The following FOXO1 variants were observed in gnomAD, a reference collection of about 807,000 sequenced individuals.
FOXO1 encodes forkhead box protein O1.
Under a neutral mutation model 44.1 loss-of-function variants are expected in FOXO1, and 6 were observed. That is an observed-to-expected ratio of 0.14 (90% CI 0.07 to 0.27). The LOEUF (loss-of-function observed/expected upper bound fraction) is 0.27. Among genes scored for constraint, FOXO1 ranks in the 10% least tolerant of loss-of-function variants. The pLI is 1.00. For missense variants in FOXO1, 737 were observed against 888.8 expected, an observed-to-expected ratio of 0.83 and a Z score of 2.17; for synonymous variants, 380 against 362.7, an observed-to-expected ratio of 1.05 and a Z score of -0.54.
rs913523719 is a variant in FOXO1, at chr13:40,556,733, A to G, written c.*2316T>C. On this transcript the variant is annotated 3_prime_UTR_variant, in exon 3 of 3. Transcript: ENST00000379561. ...AATTACCCAGACTCAGGAGGAAGAT[A>G]TATTTTCCTAAGAGCTACTCCATGA... 4 of 152,204 alleles carry G rather than the reference A, an allele frequency of 2.6e-5. No individual in the cohort carries two copies. The highest frequency in any genetic ancestry group is 4.8e-5 in the African/African-American group (2 of 41,460). The allele number at this position is 152,204 out of a possible 1,614,324, so 9.4% of individuals were successfully genotyped here. A position where few individuals can be genotyped will look rare whatever the true frequency, so the allele number is the denominator to read the frequency against.
chr13:40,621,296 T>C, intron 1 of FOXO1: 1 of 736,306 alleles, frequency 1.4e-6, no homozygotes, highest in African/African-American at 1.9e-5. Flanking sequence ...AGAATTTCAC[T>C]TGTCCGATCT....
chr13:40,561,787 G>C (rs1874032273), intron 1 of FOXO1, among the ~76,000 whole-genome samples: 1 of 151,930 alleles, frequency 6.6e-6, no homozygotes, highest in South Asian at 2.1e-4. Context: ...TAGCCAACAT[G>C]GTGAAACCCC....
intron 1 of FOXO1, among the ~76,000 whole-genome samples, chr13:40,607,851 A>C (rs1310480542): frequency 6.6e-6 from 1 of 152,254 alleles, no homozygotes; most frequent in Non-Finnish European, 1.5e-5. Context: ...TTCATTTTAC[A>C]GAACAAGGGG....
chr13:40,557,460 G>T lies in FOXO1; in HGVS notation c.*1589C>A, dbSNP rs968022703. On this transcript the variant is annotated 3_prime_UTR_variant, in exon 3 of 3. Coordinates refer to ENST00000379561, the MANE Select transcript of FOXO1 (RefSeq NM_002015.4). ...ACATAATCTCAATGCACAACTTACAGCTGGTTTTCAAATAAATCTCCCCAA... is the reference window on the plus strand; with the variant it reads ...ACATAATCTCAATGCACAACTTACATCTGGTTTTCAAATAAATCTCCCCAA... The T allele has an allele frequency of 6.6e-6, 1 of 152,310 alleles. No homozygotes were observed. The highest frequency in any genetic ancestry group is 2.1e-4 in the South Asian group (1 of 4,824). The allele number at this position is 152,310 out of a possible 1,614,324, so 9.4% of individuals were successfully genotyped here.
At chr13:40,610,753 T>C (rs114324227) in intron 1 of FOXO1, among the ~76,000 whole-genome samples, 128 of 152,330 alleles carry the variant, frequency 8.4e-4, no homozygotes, top group African/African-American at 3.0e-3. Flanking sequence ...ATAAAAACAA[T>C]AGCTCACAAA....
intron 1 of FOXO1, chr13:40,620,283 C>A: frequency 1.7e-6 from 2 of 1,147,016 alleles, no homozygotes; most frequent in Non-Finnish European, 1.3e-6. Flanking sequence ...GTATTGCAAA[C>A]AGAACTCATC....
intron 1 of FOXO1, among the ~76,000 whole-genome samples, chr13:40,583,119 G>A (rs1408101140): frequency 6.6e-6 from 1 of 152,220 alleles, no homozygotes. Context: ...GCTCTTGTGT[G>A]AGGAGGTACA....
intron 1 of FOXO1, among the ~76,000 whole-genome samples, chr13:40,629,145 T>C (rs1244530337): frequency 8.8e-6 from 1 of 114,132 alleles, no homozygotes; most frequent in Non-Finnish European, 1.8e-5. Context: ...ACAACATGAC[T>C]TTTTTTTTTT....
chr13:40,666,241 G>T lies in FOXO1; in HGVS notation c.-29C>A. 7.3e-7 allele frequency: 1 copy of T among 1,374,480 alleles called. No individual in the cohort carries two copies. The highest frequency in any genetic ancestry group is 1.6e-5 in the South Asian group (1 of 62,790). 85.1% of individuals were successfully genotyped at this position (1,374,480 alleles called of 1,614,324 possible). On this transcript the variant is annotated 5_prime_UTR_variant, in exon 1 of 3. It adds an upstream start codon to the 5' untranslated region. Transcript: ENST00000379561. ...GACCCCCGCCCCTCCCCCAGCCGCA[G>T]GAGAGCCAAGAGGGGGAGAACGCAG...
intron 1 of FOXO1, among the ~76,000 whole-genome samples, chr13:40,573,173 GTC>G (rs1468507560): frequency 3.3e-5 from 5 of 152,198 alleles, no homozygotes; most frequent in Non-Finnish European, 7.3e-5. Flanking sequence ...GCATGTTCAT[GTC>G]TGTTTGAAAA....
chr13:40,577,590 C>T (rs75312053), intron 1 of FOXO1, among the ~76,000 whole-genome samples: 143 of 152,284 alleles, frequency 9.4e-4, no homozygotes, highest in African/African-American at 3.3e-3. Flanking sequence ...AACACCACAC[C>T]TTAGGTTATT....
At chr13:40,658,514 A>G (rs1336894176) in intron 1 of FOXO1, among the ~76,000 whole-genome samples, 1 of 152,214 alleles carries the variant, frequency 6.6e-6, no homozygotes, top group African/African-American at 2.4e-5. Flanking sequence ...CAGAGCCTTT[A>G]GGTAACTGGA....
At chr13:40,597,455 A>G (rs950400763) in intron 1 of FOXO1, among the ~76,000 whole-genome samples, 2 of 152,176 alleles carry the variant, frequency 1.3e-5, no homozygotes, top group African/African-American at 4.8e-5. Context: ...ACAGAGCCCA[A>G]GGCCCTTTTT....
In FOXO1 at chr13:40,596,596, T is replaced by TGA. The variant is rs1474960070; in HGVS notation, c.631-35738_631-35737dup. ...CAACAGATACCTAGTGAGGTTCCAG[T>TGA]GAGATCCTGTACTTGTGCCCAGCCA... On this transcript the variant is annotated intron_variant, in intron 1 of 2. Transcript: ENST00000379561. Among the ~76,000 whole-genome samples the TGA allele has an allele frequency of 3.3e-5, 5 of 152,330 alleles. No homozygotes were observed. The East Asian group carries it at 7.7e-4, about 23-fold the overall frequency.
At chr13:40,664,899 C>A (rs1878171920) in intron 1 of FOXO1, among the ~76,000 whole-genome samples, 1 of 151,900 alleles carries the variant, frequency 6.6e-6, no homozygotes, top group South Asian at 2.1e-4. Flanking sequence ...CAGGCGCCGG[C>A]GCTCCGCAGG....
At chr13:40,627,847 C>A (rs199698641) in intron 1 of FOXO1, among the ~76,000 whole-genome samples, 123 of 144,964 alleles carry the variant, frequency 8.5e-4, no homozygotes, top group Middle Eastern at 7.0e-3. Flanking sequence ...AAAAAAAAAA[C>A]AAACAAACAA....
chr13:40,600,397 C>T (rs55851253), intron 1 of FOXO1, among the ~76,000 whole-genome samples: 15,143 of 152,176 alleles, frequency 0.1, 969 homozygotes, highest in East Asian at 0.24. Flanking sequence ...CCTTGGGGGG[C>T]ACTCACATAG....
chr13:40,589,667 A>G (rs1306739591), intron 1 of FOXO1, among the ~76,000 whole-genome samples: 1 of 152,264 alleles, frequency 6.6e-6, no homozygotes, highest in Non-Finnish European at 1.5e-5. Context: ...AGATTAACAG[A>G]ATCCTTTGAG....
chr13:40,607,274 G>A (rs536739127), intron 1 of FOXO1, among the ~76,000 whole-genome samples: 21 of 152,300 alleles, frequency 1.4e-4, no homozygotes, highest in East Asian at 9.6e-4. Flanking sequence ...CACCCGGAGC[G>A]CCTAGCAAAA....
Sources: allele counts gnomAD v4.1 joint callset (sites outside exome capture counted in the v4.1 genomes callset), GRCh38; gene constraint gnomAD v4.1.1; transcripts MANE v1.5; gene names NCBI Gene and HGNC (gene_info 2026-07-23, HGNC 2026-07-21).